Variants in ATP8B4 observed in about 807,000 individuals in gnomAD.
The protein encoded by ATP8B4 is probable phospholipid-transporting ATPase IM.
A neutral mutation model predicts 145.6 loss-of-function variants in ATP8B4; 133 were observed. That is an observed-to-expected ratio of 0.91 (90% confidence interval 0.79 to 1.05). The LOEUF (loss-of-function observed/expected upper bound fraction) is 1.05. Among genes scored for constraint, ATP8B4 ranks in the 50% least tolerant of loss-of-function variants. The pLI, the probability that ATP8B4 is intolerant of heterozygous loss-of-function variation, is 0.00. For synonymous variants in ATP8B4, 507 were observed against 492.9 expected (o/e 1.03, Z -0.38); for missense variants, 1,458 against 1,425.2 (o/e 1.02, Z -0.37).
intron 14 of ATP8B4, among the ~76,000 whole-genome samples, chr15:49,952,933 T>C (rs2153494765): frequency 6.6e-6 from 1 of 152,264 alleles, no homozygotes; most frequent in East Asian, 1.9e-4. Context: ...TGTTGCTTTC[T>C]GCTTGTTTTT....
At chr15:50,001,056 T>C (rs185675402) in intron 8 of ATP8B4, among the ~76,000 whole-genome samples, 1 of 151,748 alleles carries the variant, frequency 6.6e-6, no homozygotes, top group Admixed American at 6.5e-5. Context: ...TTGTGTCTTC[T>C]CTTTTTTTTT....
chr15:50,078,396 A>C (rs529840882), intron 2 of ATP8B4, among the ~76,000 whole-genome samples: 1 of 152,222 alleles, frequency 6.6e-6, no homozygotes, highest in South Asian at 2.1e-4. Flanking sequence ...GAACAAGCTA[A>C]TATAAACAAA....
intron 1 of ATP8B4, among the ~76,000 whole-genome samples, chr15:50,139,059 A>G (rs12593175): frequency 6.6e-6 from 1 of 152,202 alleles, no homozygotes; most frequent in Non-Finnish European, 1.5e-5. Context: ...ACCAGAAATA[A>G]CATTTGACCC....
intron 12 of ATP8B4, among the ~76,000 whole-genome samples, chr15:49,977,473 T>A (rs2045770639): frequency 6.6e-6 from 1 of 152,104 alleles, no homozygotes; most frequent in Non-Finnish European, 1.5e-5. Flanking sequence ...CTTAGGGATA[T>A]AGGAAAACAC....
At chr15:49,891,897 C>T (rs1374196413) in intron 23 of ATP8B4, among the ~76,000 whole-genome samples, 2 of 151,934 alleles carry the variant, frequency 1.3e-5, no homozygotes, top group African/African-American at 4.8e-5. Flanking sequence ...AGGGGGATCA[C>T]GAGGTCAGGA....
chr15:49,939,633 G>A (rs1396320397), intron 14 of ATP8B4, among the ~76,000 whole-genome samples: 11 of 152,012 alleles, frequency 7.2e-5, no homozygotes, highest in East Asian at 1.9e-4. Flanking sequence ...CCAAAAATAC[G>A]TTCAGACCAG....
At chr15:49,885,121 C>A (rs1347754019) in intron 23 of ATP8B4, among the ~76,000 whole-genome samples, 1 of 152,198 alleles carries the variant, frequency 6.6e-6, no homozygotes, top group South Asian at 2.1e-4. Flanking sequence ...TGGTCCCCTG[C>A]CTGCCAGACT....
chr15:50,178,827 G>C (rs1331477062), intron 1 of ATP8B4, among the ~76,000 whole-genome samples: 1 of 152,032 alleles, frequency 6.6e-6, no homozygotes, highest in Admixed American at 6.6e-5. Context: ...TACTTTTTTA[G>C]TGCCAAAAAT....
rs551555256 is a variant in ATP8B4, at chr15:49,972,174, C to T, written c.1243+408G>A. 6.6e-5 allele frequency among the ~76,000 whole-genome samples: 10 copies of T among 152,062 alleles called. No homozygotes were observed. In the South Asian group the frequency reaches 1.2e-3, roughly 19 times the overall value. Reference sequence around the variant, plus strand: ...CATTAGGAGAAATACCTAATGTAGACGACGGGTTGATGGGTACAGCAAACC... The same window carrying T: ...CATTAGGAGAAATACCTAATGTAGATGACGGGTTGATGGGTACAGCAAACC... On this transcript the variant is annotated intron_variant, in intron 13 of 27. Transcript: ENST00000284509.
chr15:50,001,084 A>G (rs932844727), intron 8 of ATP8B4, among the ~76,000 whole-genome samples: 5 of 151,690 alleles, frequency 3.3e-5, no homozygotes, highest in African/African-American at 1.2e-4. Context: ...CAGTATTCTT[A>G]GAGGTTTGTC....
At chr15:50,111,460 A>G (rs1401199705) in intron 1 of ATP8B4, among the ~76,000 whole-genome samples, 1 of 152,224 alleles carries the variant, frequency 6.6e-6, no homozygotes, top group African/African-American at 2.4e-5. Context: ...CTGCCCCCAG[A>G]AAGATCTGTT....
intron 1 of ATP8B4, among the ~76,000 whole-genome samples, chr15:50,157,762 GTCTCCC>G (rs1313759720): frequency 6.6e-6 from 1 of 151,158 alleles, no homozygotes; most frequent in African/African-American, 2.4e-5. Context: ...TCTCCCCACG[GTCTCCC>G]TCTCCCTCTC....
At chr15:50,009,814 C>T (rs905595651) in intron 7 of ATP8B4, 16 of 363,074 alleles carry the variant, frequency 4.4e-5, no homozygotes, top group African/African-American at 6.5e-5. Context: ...TTTTGGCTGC[C>T]GACACCTTTG....
At chr15:50,151,314 C>T (rs959678451) in intron 1 of ATP8B4, among the ~76,000 whole-genome samples, 1 of 152,144 alleles carries the variant, frequency 6.6e-6, no homozygotes, top group East Asian at 1.9e-4. Context: ...ACATAGGAAG[C>T]TCAGATTTTA....
chr15:49,981,123 G>C, intron 11 of ATP8B4, 83 bp downstream of exon 11: 3 of 1,184,332 alleles, frequency 2.5e-6, no homozygotes, highest in South Asian at 1.3e-5. Context: ...GAGAATGTAG[G>C]CTTCTTAAAG....
intron 3 of ATP8B4, among the ~76,000 whole-genome samples, chr15:50,066,196 CAAGTA>C (rs1049618005): frequency 5.5e-4 from 84 of 152,124 alleles, no homozygotes; most frequent in African/African-American, 1.8e-3. Flanking sequence ...TTTTCTCCTA[CAAGTA>C]AATTATTTAT....
intron 1 of ATP8B4, among the ~76,000 whole-genome samples, chr15:50,107,451 C>A (rs1437874647): frequency 6.6e-6 from 1 of 152,140 alleles, no homozygotes; most frequent in Non-Finnish European, 1.5e-5. Flanking sequence ...AAAATGCAAT[C>A]CAAAACTTTT....
At chr15:50,174,673 A>G (rs1005598827) in intron 1 of ATP8B4, among the ~76,000 whole-genome samples, 5 of 152,184 alleles carry the variant, frequency 3.3e-5, no homozygotes, top group East Asian at 1.9e-4. Flanking sequence ...AACACATCCC[A>G]TGCTCATGGA....
chr15:50,022,123 C>T (rs1457811639), intron 6 of ATP8B4, among the ~76,000 whole-genome samples: 1 of 146,296 alleles, frequency 6.8e-6, no homozygotes, highest in Admixed American at 6.8e-5. Flanking sequence ...GCATATATTG[C>T]ATGGGCTCTT....
Sources: allele counts gnomAD v4.1 joint callset (sites outside exome capture counted in the v4.1 genomes callset), GRCh38; gene constraint gnomAD v4.1.1; transcripts MANE v1.5; gene names NCBI Gene and HGNC (gene_info 2026-07-23, HGNC 2026-07-21).